CA10: variants seen among roughly 807,000 people sequenced by gnomAD.
CA10 encodes the protein carbonic anhydrase-related protein 10.
CA10 carries 14 observed loss-of-function variants against 44.2 expected under a neutral mutation model. The observed-to-expected ratio is 0.32, with a 90% CI of 0.21 to 0.50. CA10 has a LOEUF of 0.50. CA10 is among the 20% of genes least tolerant of loss of function. The pLI is 0.99. For synonymous variants in CA10, 159 were observed against 141.6 expected, an observed-to-expected ratio of 1.12 and a Z score of -0.87; for missense variants, 350 against 409.7, an observed-to-expected ratio of 0.85 and a Z score of 1.26.
intron 2 of CA10, among the ~76,000 whole-genome samples, chr17:52,057,287 C>T (rs1232548711): frequency 1.3e-5 from 2 of 152,006 alleles, no homozygotes; most frequent in Non-Finnish European, 2.9e-5. Context: ...CTGCCTCTGC[C>T]ACCACTGAAA....
intron 2 of CA10, among the ~76,000 whole-genome samples, chr17:51,974,346 TGCACTCCA>T (rs1211093549): frequency 6.8e-6 from 1 of 147,104 alleles, no homozygotes; most frequent in Non-Finnish European, 1.5e-5. Flanking sequence ...ATCACGTCAC[TGCACTCCA>T]GCCTGGCAAC....
intron 1 of CA10, among the ~76,000 whole-genome samples, chr17:52,141,272 T>C (rs1206452417): frequency 6.6e-6 from 1 of 152,166 alleles, no homozygotes; most frequent in East Asian, 1.9e-4. Flanking sequence ...TTTCTTGTTT[T>C]TGGTTTCTGA....
intron 4 of CA10, among the ~76,000 whole-genome samples, chr17:51,698,115 C>G (rs1421145444): frequency 1.3e-5 from 2 of 152,210 alleles, no homozygotes; most frequent in Non-Finnish European, 2.9e-5. Context: ...TGCCTCCCTG[C>G]TGGGTCCTGC....
At chr17:52,037,715 T>A (rs948355973) in intron 2 of CA10, among the ~76,000 whole-genome samples, 1 of 152,156 alleles carries the variant, frequency 6.6e-6, no homozygotes, top group Admixed American at 6.6e-5. Flanking sequence ...GACATTTTTA[T>A]GAAGATTGTC....
intron 3 of CA10, among the ~76,000 whole-genome samples, chr17:51,825,428 G>A (rs1604301): frequency 6.6e-6 from 1 of 151,886 alleles, no homozygotes; most frequent in African/African-American, 2.4e-5. Flanking sequence ...AATCCCATAA[G>A]AACCCTATGG....
intron 4 of CA10, among the ~76,000 whole-genome samples, chr17:51,666,706 ATC>A (rs1567795404): frequency 6.6e-6 from 1 of 151,474 alleles, no homozygotes; most frequent in African/African-American, 2.4e-5. Context: ...TAATTTGAAT[ATC>A]TGAGTATTAA....
At chr17:52,004,952 T>C (rs1345360714) in intron 2 of CA10, among the ~76,000 whole-genome samples, 1 of 151,824 alleles carries the variant, frequency 6.6e-6, no homozygotes, top group Non-Finnish European at 1.5e-5. Context: ...AACAAGACTC[T>C]TTTTCCCCCT....
At chr17:52,013,886 C>T (rs910520890) in intron 2 of CA10, among the ~76,000 whole-genome samples, 6 of 151,880 alleles carry the variant, frequency 4.0e-5, no homozygotes, top group South Asian at 2.1e-4. Context: ...ATTCATGGAG[C>T]GCTTACTGTG....
intron 4 of CA10, among the ~76,000 whole-genome samples, chr17:51,712,587 A>G (rs1417402648): frequency 1.3e-5 from 2 of 152,248 alleles, no homozygotes; most frequent in Non-Finnish European, 2.9e-5. Context: ...TGTAAAGTCA[A>G]TAGGCACCGG....
intron 2 of CA10, among the ~76,000 whole-genome samples, chr17:51,960,600 A>G (rs1158912238): frequency 6.6e-6 from 1 of 152,204 alleles, no homozygotes; most frequent in Non-Finnish European, 1.5e-5. Flanking sequence ...AATCTATTTG[A>G]AGTATTGACA....
At chr17:51,923,090 C>CAT (rs753697109) in intron 3 of CA10, among the ~76,000 whole-genome samples, 51 of 152,274 alleles carry the variant, frequency 3.3e-4, no homozygotes, top group Admixed American at 7.2e-4. Flanking sequence ...TTATACATAC[C>CAT]ATTTTCATAT....
intron 1 of CA10, among the ~76,000 whole-genome samples, chr17:52,092,142 G>A (rs183235092): frequency 2.6e-5 from 4 of 152,034 alleles, no homozygotes; most frequent in African/African-American, 7.2e-5. Flanking sequence ...CCCTCTTCGT[G>A]TGCATTTCTA....
chr17:51,812,072 C>T (rs1907388052), intron 3 of CA10, among the ~76,000 whole-genome samples: 1 of 152,184 alleles, frequency 6.6e-6, no homozygotes, highest in Admixed American at 6.5e-5. Flanking sequence ...CAGATGTGTT[C>T]CTGCCTTTGT....
At chr17:52,134,808 T>C in intron 1 of CA10, 1 of 513,590 alleles carries the variant, frequency 1.9e-6, no homozygotes. Context: ...CACTGTGCCC[T>C]GGCACCATGG....
In CA10 at chr17:52,157,923, C is replaced by A; in HGVS notation, c.-137G>T. 1.4e-6 allele frequency: 1 copy of A among 734,264 alleles called. No homozygotes were observed. The highest frequency in any genetic ancestry group is 2.5e-6 in the Non-Finnish European group (1 of 404,222). The allele number at this position is 734,264 out of a possible 1,614,324, so 45.5% of individuals were successfully genotyped here. On this transcript the variant is annotated 5_prime_UTR_variant, in exon 1 of 9. Transcript: ENST00000451037. Reference sequence around the variant, plus strand: ...CTCGCACTCCCACCCGACAGCCGGCCAGGGACAGTCACCCCCAAGATCAAT... The same window carrying A: ...CTCGCACTCCCACCCGACAGCCGGCAAGGGACAGTCACCCCCAAGATCAAT...
intron 2 of CA10, among the ~76,000 whole-genome samples, chr17:52,020,326 A>C (rs1435164808): frequency 6.6e-6 from 1 of 151,938 alleles, no homozygotes; most frequent in Non-Finnish European, 1.5e-5. Context: ...GGGGGGTGGT[A>C]TTTTAATTCT....
chr17:51,994,237 T>C (rs192567843), intron 2 of CA10, among the ~76,000 whole-genome samples: 2 of 140,926 alleles, frequency 1.4e-5, no homozygotes, highest in Admixed American at 7.0e-5. Flanking sequence ...AGGGATTAGA[T>C]TGATACATAA....
chr17:51,656,733 C>T (rs1243515498), intron 4 of CA10, among the ~76,000 whole-genome samples: 1 of 152,148 alleles, frequency 6.6e-6, no homozygotes, highest in African/African-American at 2.4e-5. Flanking sequence ...GAATCGGGAG[C>T]CCCATCCCAG....
intron 6 of CA10, among the ~76,000 whole-genome samples, chr17:51,647,980 G>A (rs955540531): frequency 6.6e-6 from 1 of 152,200 alleles, no homozygotes; most frequent in Non-Finnish European, 1.5e-5. Context: ...CTCTGCAGAT[G>A]GGAGGGACTT....
Sources: allele counts gnomAD v4.1 joint callset (sites outside exome capture counted in the v4.1 genomes callset), GRCh38; gene constraint gnomAD v4.1.1; transcripts MANE v1.5; gene names NCBI Gene and HGNC (gene_info 2026-07-23, HGNC 2026-07-21).